TXNRD1: variants seen among roughly 807,000 people sequenced by gnomAD.
TXNRD1 encodes the protein thioredoxin reductase 1, also known as thioredoxin reductase 1, cytoplasmic.
In TXNRD1, 57 loss-of-function variants were observed where a neutral mutation model predicts 80.3. That is an observed-to-expected ratio of 0.71 (90% CI 0.57 to 0.89). The LOEUF is 0.89. Among genes scored for constraint, TXNRD1 ranks in the 40% least tolerant of loss-of-function variants. The pLI is 0.00. For synonymous variants in TXNRD1, 291 were observed against 285.2 expected, an observed-to-expected ratio of 1.02 and a Z score of -0.20; for missense variants, 730 against 803.0, an observed-to-expected ratio of 0.91 and a Z score of 1.10.
chr12:104,310,044 G>T (rs377177602), intron 4 of TXNRD1: 4 of 1,536,002 alleles, frequency 2.6e-6, no homozygotes, highest in Non-Finnish European at 1.7e-6. Flanking sequence ...CCCAAGCTCT[G>T]CCTTTCACCC....
intron 3 of TXNRD1, among the ~76,000 whole-genome samples, chr12:104,271,755 G>C (rs936794006): frequency 2.6e-5 from 4 of 152,118 alleles, no homozygotes; most frequent in South Asian, 4.1e-4. Flanking sequence ...AGGTCACAGG[G>C]GATATGATGG....
chr12:104,334,039 T>G, intron 14 of TXNRD1, 198 bp from the exon 15 acceptor site: 62 of 339,936 alleles, frequency 1.8e-4, no homozygotes, highest in East Asian at 4.0e-4. Flanking sequence ...AATTAAGGGA[T>G]GAGCTTATAG....
intron 16 of TXNRD1, among the ~76,000 whole-genome samples, chr12:104,345,180 A>G (rs1241969578): frequency 2.0e-5 from 3 of 152,246 alleles, no homozygotes; most frequent in Non-Finnish European, 4.4e-5. Flanking sequence ...TTAATTTTAC[A>G]TGCCTTTTAA....
At chr12:104,262,841 G>T (rs754749028) in intron 3 of TXNRD1, among the ~76,000 whole-genome samples, 1 of 150,658 alleles carries the variant, frequency 6.6e-6, no homozygotes, top group Admixed American at 6.6e-5. Flanking sequence ...GAGGGCCTGT[G>T]TACTGCCTAA....
intron 1 of TXNRD1, among the ~76,000 whole-genome samples, chr12:104,217,498 C>T (rs1291042349): frequency 6.6e-6 from 1 of 151,840 alleles, no homozygotes; most frequent in Non-Finnish European, 1.5e-5. Context: ...TTAATAGAGA[C>T]AGGTTTTCAC....
intron 4 of TXNRD1, among the ~76,000 whole-genome samples, chr12:104,292,341 G>C (rs2034249608): frequency 6.6e-6 from 1 of 151,802 alleles, no homozygotes; most frequent in Non-Finnish European, 1.5e-5. Context: ...CTTTACCCGA[G>C]TTCTTTTGAA....
At chr12:104,226,555 T>C (rs962109423) in intron 1 of TXNRD1, among the ~76,000 whole-genome samples, 1 of 152,216 alleles carries the variant, frequency 6.6e-6, no homozygotes, top group Non-Finnish European at 1.5e-5. Flanking sequence ...CACAAGTCAT[T>C]TGAGGCAAAG....
chr12:104,341,893 C>T (rs2036337809), intron 16 of TXNRD1, among the ~76,000 whole-genome samples: 1 of 152,138 alleles, frequency 6.6e-6, no homozygotes, highest in Non-Finnish European at 1.5e-5. Context: ...GCTAGCATGG[C>T]TCACAGAACT....
intron 3 of TXNRD1, among the ~76,000 whole-genome samples, chr12:104,278,403 T>G (rs1377594573): frequency 1.4e-5 from 2 of 145,176 alleles, no homozygotes; most frequent in African/African-American, 2.6e-5. Flanking sequence ...GTTTCACCAT[T>G]TTAGCCAGGA....
intron 13 of TXNRD1, among the ~76,000 whole-genome samples, chr12:104,330,609 G>A (rs571294038): frequency 1.2e-4 from 18 of 151,496 alleles, no homozygotes; most frequent in South Asian, 4.2e-4. Context: ...TTTTTGAGAC[G>A]AAGACTCACT....
chr12:104,331,532 A>C lies in TXNRD1; in HGVS notation c.1543-2A>C. 1 of 1,596,766 alleles carries C rather than the reference A, an allele frequency of 6.3e-7. No individual in the cohort carries two copies. Among genetic ancestry groups the C allele is most frequent in the Non-Finnish European group, 8.6e-7 (1 of 1,168,706 alleles). On this transcript the variant is annotated splice_acceptor_variant, in intron 13 of 16. Coordinates refer to ENST00000525566, the MANE Select transcript of TXNRD1 (RefSeq NM_001093771.3). LOFTEE classifies it high-confidence loss of function. Reference sequence around the variant, plus strand: ...TAACTCCTTACCTCCATTTTTAAACAGTGTGACTATGAAAATGTTCCAACC... The same window carrying C: ...TAACTCCTTACCTCCATTTTTAAACCGTGTGACTATGAAAATGTTCCAACC...
intron 3 of TXNRD1, chr12:104,287,209 G>GT (rs1466577352): frequency 3.7e-6 from 6 of 1,607,038 alleles, no homozygotes; most frequent in Non-Finnish European, 5.1e-6. Flanking sequence ...TTGCGCCTGG[G>GT]TGCAGCAGTG....
intron 4 of TXNRD1, among the ~76,000 whole-genome samples, chr12:104,310,928 G>A (rs924681773): frequency 2.0e-5 from 3 of 152,144 alleles, no homozygotes; most frequent in African/African-American, 7.2e-5. Flanking sequence ...GTTATATTGA[G>A]ATTAAGCTAT....
intron 1 of TXNRD1, among the ~76,000 whole-genome samples, chr12:104,238,722 T>TTA (rs1400462722): frequency 2.6e-5 from 4 of 152,244 alleles, no homozygotes; most frequent in Non-Finnish European, 4.4e-5. Flanking sequence ...TGTGCAAGGT[T>TTA]TATCCTGGGA....
chr12:104,229,164 T>TTTTG lies in TXNRD1; in HGVS notation c.91+13272_91+13273insTTGT, dbSNP rs1565853077. 2.0e-4 allele frequency among the ~76,000 whole-genome samples: 24 copies of TTTTG among 122,818 alleles called. 4 individuals are homozygous for TTTTG. Among genetic ancestry groups the TTTTG allele is most frequent in the East Asian group, 1.2e-3 (5 of 4,194 alleles). 80.6% of individuals were successfully genotyped at this position (122,818 alleles called of 152,430 possible). A position where few individuals can be genotyped will look rare whatever the true frequency, so the allele number is the denominator to read the frequency against. On this transcript the variant is annotated intron_variant, in intron 1 of 16. Transcript: ENST00000525566. Reference sequence around the variant, plus strand: ...CTTTTCTTTTTTTTTTTTTTTTTTTTTGAGACAGGGTCTCACTTTGTCACC... The same window carrying TTTTG: ...CTTTTCTTTTTTTTTTTTTTTTTTTTTTTGTGAGACAGGGTCTCACTTTGTCACC...
At chr12:104,327,121 C>T (rs972863157) in intron 12 of TXNRD1, among the ~76,000 whole-genome samples, 2 of 152,142 alleles carry the variant, frequency 1.3e-5, no homozygotes, top group African/African-American at 4.8e-5. Context: ...ATTTTTTAAA[C>T]CTAATTTTTA....
chr12:104,330,963 C>T (rs769097866), intron 13 of TXNRD1, among the ~76,000 whole-genome samples: 1 of 151,844 alleles, frequency 6.6e-6, no homozygotes, highest in Non-Finnish European at 1.5e-5. Context: ...TACATGTAGC[C>T]TTTTCTGTAT....
At chr12:104,308,654 G>T (rs2135799345) in intron 4 of TXNRD1, among the ~76,000 whole-genome samples, 1 of 152,200 alleles carries the variant, frequency 6.6e-6, no homozygotes, top group South Asian at 2.1e-4. Flanking sequence ...TGAGATGAAA[G>T]AGTTTGAGAA....
At chr12:104,287,032 A>T (rs894880701) in intron 3 of TXNRD1, 2 of 1,382,574 alleles carry the variant, frequency 1.4e-6, no homozygotes, top group Non-Finnish European at 1.9e-6. Context: ...AGTTTTCTTC[A>T]CTCCGGCATT....
Sources: allele counts gnomAD v4.1 joint callset (sites outside exome capture counted in the v4.1 genomes callset), GRCh38; gene constraint gnomAD v4.1.1; transcripts MANE v1.5; gene names NCBI Gene and HGNC (gene_info 2026-07-23, HGNC 2026-07-21).